ALG9: variants seen among roughly 807,000 people sequenced by gnomAD.
ALG9 encodes the protein ALG9 alpha-1,2-mannosyltransferase.
In ALG9, 55 loss-of-function variants were observed where a neutral mutation model predicts 81.8. The observed-to-expected ratio is 0.67, with a 90% CI of 0.54 to 0.84. The LOEUF is 0.84. Ranked by LOEUF, ALG9 falls within the 40% of genes least tolerant of loss-of-function variation. The pLI is 0.00. For missense variants in ALG9, 629 were observed against 745.0 expected (o/e 0.84, Z 1.81); for synonymous variants, 278 against 274.3 (o/e 1.01, Z -0.13).
intron 2 of ALG9, 121 bp downstream of exon 2, chr11:111,870,111 T>G: frequency 1.2e-5 from 14 of 1,217,070 alleles, no homozygotes; most frequent in Non-Finnish European, 1.3e-5. Context: ...TGTTTTTTTT[T>G]TTAAGAAAAT....
chr11:111,797,560 A>T (rs1281345937), intron 14 of ALG9, among the ~76,000 whole-genome samples: 1 of 152,248 alleles, frequency 6.6e-6, no homozygotes, highest in Non-Finnish European at 1.5e-5. Flanking sequence ...TACGCCACTA[A>T]GTATGGATGA....
chr11:111,774,402 A>C, the ALG9 span, among the ~76,000 whole-genome samples: 1 of 152,144 alleles, frequency 6.6e-6, no homozygotes, highest in Non-Finnish European at 1.5e-5. Flanking sequence ...AACAAACAAA[A>C]AGGCAAGGGC....
At chr11:111,774,049 C>T in the ALG9 span, among the ~76,000 whole-genome samples, 1 of 136,564 alleles carries the variant, frequency 7.3e-6, no homozygotes, top group Admixed American at 7.6e-5. Context: ...CATGAGCCAC[C>T]ATACCAAGCC....
Position 111,808,098 on chromosome 11 carries a change from A to C in ALG9, c.1733+1545T>G, listed in dbSNP as rs1259391981. Among the ~76,000 whole-genome samples the C allele has an allele frequency of 3.9e-5, 6 of 152,250 alleles. No individual in the cohort carries two copies. The South Asian group carries it at 8.3e-4, about 21-fold the overall frequency. Reference sequence around the variant, plus strand: ...AATTTTTGTTGCTGTTGTTAAGAAGAAGCACTATTTCCCATTATGTAGAAA... The same window carrying C: ...AATTTTTGTTGCTGTTGTTAAGAAGCAGCACTATTTCCCATTATGTAGAAA... On this transcript the variant is annotated intron_variant, in intron 14 of 14. Transcript: ENST00000616540.
intron 4 of ALG9, 92 bp downstream of exon 4, chr11:111,865,089 T>G: frequency 9.0e-7 from 1 of 1,113,122 alleles, no homozygotes. Context: ...GAGTTTTCTA[T>G]TTCTAATCAC....
chr11:111,853,669 T>A lies in ALG9; in HGVS notation c.769A>T (p.Met257Leu), dbSNP rs1958183508. ...CTCACCAGAAATAGTATGAGGGCCA[T>A]CAGCGACCAATGAAAGAAACTCTTC... ...RWKSFFHWSL[M>L]ALILFLVPVV... is the part of the protein sequence containing the mutation. The change falls in exon 7 of 15, where the codon ATG (methionine) becomes TTG (leucine). Residue 257 changes from methionine to leucine, a missense_variant. Around this residue, in one of 3 missense-constraint regions of ALG9, gnomAD observed 344 missense variants for 390.5 expected, o/e 0.88. Transcript: ENST00000616540. 3.7e-6 allele frequency: 6 copies of A among 1,614,048 alleles called. No homozygotes were observed. The highest frequency in any genetic ancestry group is 1.7e-5 in the Admixed American group (1 of 60,000).
chr11:111,778,092 T>C (rs1721500128), downstream of ALG9: 2 of 152,130 alleles, frequency 1.3e-5, no homozygotes, highest in South Asian at 4.1e-4. Context: ...GCTTCCCCAG[T>C]GCGTTGAGTA....
At chr11:111,790,227 G>A (rs1300386535) in intron 14 of ALG9, among the ~76,000 whole-genome samples, 4 of 151,964 alleles carry the variant, frequency 2.6e-5, no homozygotes, top group Non-Finnish European at 4.4e-5. Context: ...AGCTACTCAG[G>A]TGGCTGAGGC....
chr11:111,814,859 T>C (rs1555095475), intron 13 of ALG9: 1 of 152,180 alleles, frequency 6.6e-6, no homozygotes, highest in East Asian at 1.9e-4. Flanking sequence ...TCCCAAGGAT[T>C]ATAAGAACAT....
intron 13 of ALG9, among the ~76,000 whole-genome samples, chr11:111,812,129 T>C (rs188317385): frequency 6.6e-6 from 1 of 152,234 alleles, no homozygotes; most frequent in Admixed American, 6.5e-5. Flanking sequence ...CTTACTATTA[T>C]AAATATGTCA....
At chr11:111,849,404 T>C (rs1555134781) in intron 8 of ALG9, 3 of 152,220 alleles carry the variant, frequency 2.0e-5, no homozygotes, top group Non-Finnish European at 4.4e-5. Context: ...GAAATATTAA[T>C]AGGCTTAGTA....
chr11:111,773,102 T>C, the ALG9 span, among the ~76,000 whole-genome samples: 1 of 152,076 alleles, frequency 6.6e-6, no homozygotes, highest in Non-Finnish European at 1.5e-5. Flanking sequence ...AGAAGTTGTA[T>C]TATTTATTAC....
At chr11:111,864,600 C>T in intron 4 of ALG9, 2 of 511,018 alleles carry the variant, frequency 3.9e-6, no homozygotes, top group Non-Finnish European at 3.6e-6. Flanking sequence ...TTTCATCAGT[C>T]TTTAACATCT....
chr11:111,871,157 G>T, intron 1 of ALG9, 195 bp downstream of exon 1: 1 of 1,279,122 alleles, frequency 7.8e-7, no homozygotes. Flanking sequence ...GCGCAGTGGA[G>T]GGATCTAAGG....
At chr11:111,780,389 TTTTTG>T (rs1477579001), downstream of ALG9, among the ~76,000 whole-genome samples, 5 of 144,544 alleles carry the variant, frequency 3.5e-5, no homozygotes, top group Middle Eastern at 3.6e-3. Context: ...GCCGTTTTTT[TTTTTG>T]TTTTGTTTTT....
chr11:111,820,733 G>T (rs868985040), intron 13 of ALG9, among the ~76,000 whole-genome samples: 1 of 152,176 alleles, frequency 6.6e-6, no homozygotes, highest in Admixed American at 6.5e-5. Flanking sequence ...TGCATGTAAA[G>T]AAGTTCTAAG....
At chr11:111,812,915 CAAAAAAAAA>C (rs57311061) in intron 13 of ALG9, among the ~76,000 whole-genome samples, 1 of 98,770 alleles carries the variant, frequency 1.0e-5, no homozygotes. Flanking sequence ...GACTCTGTCT[CAAAAAAAAA>C]AAAAAAAAAG....
intron 8 of ALG9, among the ~76,000 whole-genome samples, chr11:111,845,969 A>G: frequency 6.6e-6 from 1 of 152,224 alleles, no homozygotes; most frequent in East Asian, 1.9e-4. Context: ...TTCCTGTCTC[A>G]ATACAATGAT....
Position 111,784,810 on chromosome 11 carries a change from G to A in ALG9, c.*1587C>T, listed in dbSNP as rs927031268. On this transcript the variant is annotated 3_prime_UTR_variant, in exon 15 of 15. Transcript: ENST00000616540. ...GATCAGTTACCCTTAGGGAAATAAG[G>A]CACCTATAATGTGACCCCAGATTGA... is the stretch of plus-strand genomic sequence containing the variant. The A allele has an allele frequency of 6.6e-6, 1 of 152,128 alleles. No homozygotes were observed. The highest frequency in any genetic ancestry group is 2.4e-5 in the African/African-American group (1 of 41,428). 9.4% of individuals were successfully genotyped at this position (152,128 alleles called of 1,614,324 possible). A position where few individuals can be genotyped will look rare whatever the true frequency, so the allele number is the denominator to read the frequency against.
Sources: gnomAD v4.1 joint callset for allele counts (sites outside exome capture counted in the v4.1 genomes callset) on GRCh38, gnomAD v4.1.1 for gene constraint, gnomAD v4.1.1 regional missense constraint, MANE v1.5 for transcripts, NCBI Gene and HGNC (gene_info 2026-07-23, HGNC 2026-07-21) for gene names.